VIRMA: variants seen among roughly 807,000 people sequenced by gnomAD.
The protein encoded by VIRMA is vir like m6A methyltransferase associated.
Under a neutral mutation model 182.4 loss-of-function variants are expected in VIRMA, and 65 were observed. The observed-to-expected ratio is 0.36, with a 90% CI of 0.29 to 0.44. The LOEUF (loss-of-function observed/expected upper bound fraction) is 0.44, where lower values mean the gene tolerates loss of function less well. VIRMA is among the 20% of genes least tolerant of loss of function. The pLI, the probability that VIRMA is intolerant of heterozygous loss-of-function variation, is 1.00. For synonymous variants in VIRMA, 709 were observed against 743.1 expected, an observed-to-expected ratio of 0.95 and a Z score of 0.75; for missense variants, 1,752 against 2,158.1, an observed-to-expected ratio of 0.81 and a Z score of 3.73.
rs1205906821 is a variant in VIRMA at position 94,526,535 on chromosome 8, C to T, written c.1709G>A (p.Gly570Asp). 1.9e-6 allele frequency: 3 copies of T among 1,612,822 alleles called. No homozygotes were observed. The highest frequency in any genetic ancestry group is 2.5e-6 in the Non-Finnish European group (3 of 1,179,742). Residue 570 changes from glycine (G) to aspartate (D), a missense_variant, in exon 8 of 24, where the codon GGT becomes GAT. By Grantham distance (94) the Gly-to-Asp change is moderately conservative. Around this residue, in one of 11 missense-constraint regions of VIRMA, gnomAD observed 401 missense variants for 455.1 expected, o/e 0.88. Transcript: ENST00000297591. Reference sequence around the variant, plus strand: ...TGAAGTCTTCTCTGCTAAATGGTCACCAAGTCTTTTAATCTCTGACAAGAC... The same window carrying T: ...TGAAGTCTTCTCTGCTAAATGGTCATCAAGTCTTTTAATCTCTGACAAGAC... ...YEVLSEIKRL[G>D]DHLAEKTSSL...
intron 2 of VIRMA, among the ~76,000 whole-genome samples, chr8:94,543,401 C>CAAAAAAAAAA (rs1162030319): frequency 6.9e-5 from 3 of 43,200 alleles, no homozygotes; most frequent in South Asian, 8.2e-4. Context: ...AACTCCATCT[C>CAAAAAAAAAA]AAAAAAAAAA....
chr8:94,496,049 A>C, intron 18 of VIRMA, 158 bp from the exon 19 acceptor site: 2 of 659,210 alleles, frequency 3.0e-6, no homozygotes, highest in Non-Finnish European at 4.9e-6. Context: ...TAAAACAAAC[A>C]CCAAAACACT....
At chr8:94,510,790 T>A in intron 13 of VIRMA, 138 bp from the exon 14 acceptor site, 2 of 775,460 alleles carry the variant, frequency 2.6e-6, no homozygotes. Flanking sequence ...ATTATACAGT[T>A]AAACATTTGC....
At chr8:94,552,182 C>T (rs3133656) in intron 1 of VIRMA, among the ~76,000 whole-genome samples, 91,858 of 152,084 alleles carry the variant, frequency 0.6, 28,064 homozygotes, top group East Asian at 0.81. Context: ...CATAAATTAA[C>T]TGTCAGTAAG....
At chr8:94,544,063 A>G in intron 1 of VIRMA, 121 bp from the exon 2 acceptor site, 1 of 593,714 alleles carries the variant, frequency 1.7e-6, no homozygotes, top group Non-Finnish European at 3.0e-6. Context: ...ATCATTAAAT[A>G]TCATTAAATA....
chr8:94,541,438 C>T (rs1261848956), intron 2 of VIRMA, among the ~76,000 whole-genome samples: 1 of 152,090 alleles, frequency 6.6e-6, no homozygotes, highest in African/African-American at 2.4e-5. Context: ...TTTATCTAAG[C>T]ATTTCTAAAT....
chr8:94,521,054 TA>T (rs35440479), intron 8 of VIRMA, among the ~76,000 whole-genome samples: 6,627 of 134,832 alleles, frequency 0.049, 148 homozygotes, highest in Non-Finnish European at 0.055. Flanking sequence ...TTTTTTTTTT[TA>T]AATTTTTTAG....
intron 4 of VIRMA, 79 bp downstream of exon 4, chr8:94,537,024 G>A: frequency 1.1e-6 from 1 of 939,600 alleles, no homozygotes; most frequent in Non-Finnish European, 1.8e-6. Context: ...CTGCAACACT[G>A]ATTTATGTGG....
At chr8:94,548,507 C>T (rs1178442331) in intron 1 of VIRMA, among the ~76,000 whole-genome samples, 3 of 151,004 alleles carry the variant, frequency 2.0e-5, no homozygotes, top group Non-Finnish European at 4.4e-5. Flanking sequence ...ATTCACTCAT[C>T]AACAGGAATA....
chr8:94,490,578 G>A (rs1300157277), intron 22 of VIRMA, among the ~76,000 whole-genome samples: 1 of 152,174 alleles, frequency 6.6e-6, no homozygotes, highest in Non-Finnish European at 1.5e-5. Flanking sequence ...AGGTGCAGTG[G>A]CTCACGCCTG....
At position 94,526,576 on chromosome 8, in the gene VIRMA, T is replaced by C. The variant is rs1260436563; in HGVS notation, c.1668A>G (p.Lys556=). Residue 556 remains lysine, a synonymous_variant, in exon 8 of 24, where the codon AAA becomes AAG. Coordinates refer to ENST00000297591, the MANE Select transcript of VIRMA (RefSeq NM_015496.5). ...CTGACAAGACTTCATAGAAATGGCA[T>C]TTTTGGAGAATAGCTGAACCAGCAG... is the stretch of plus-strand genomic sequence containing the variant. ...VVTAGSAILQ[K]CHFYEVLSEI... 1.9e-6 allele frequency: 3 copies of C among 1,613,746 alleles called. No individual in the cohort carries two copies. The African/African-American group carries it at 4.0e-5, about 22-fold the overall frequency.
At chr8:94,541,687 G>A (rs565740285) in intron 2 of VIRMA, among the ~76,000 whole-genome samples, 1 of 152,080 alleles carries the variant, frequency 6.6e-6, no homozygotes, top group African/African-American at 2.4e-5. Context: ...GATTACAGGT[G>A]TGCACCACCA....
intron 1 of VIRMA, among the ~76,000 whole-genome samples, chr8:94,552,802 G>GC (rs1442975142): frequency 1.3e-5 from 2 of 152,064 alleles, no homozygotes; most frequent in Non-Finnish European, 2.9e-5. Context: ...TCCCCTCTTC[G>GC]CAAGTATTCT....
intron 8 of VIRMA, among the ~76,000 whole-genome samples, chr8:94,522,279 CAT>C (rs746645871): frequency 2.0e-5 from 3 of 152,246 alleles, no homozygotes; most frequent in East Asian, 1.9e-4. Flanking sequence ...ACACTTCACA[CAT>C]GTCACAACCT....
At chr8:94,539,068 ATT>A (rs759879190) in intron 2 of VIRMA, among the ~76,000 whole-genome samples, 20 of 137,036 alleles carry the variant, frequency 1.5e-4, no homozygotes, top group Non-Finnish European at 1.1e-4. Flanking sequence ...CACTGGGCTA[ATT>A]TTTTTTTTTT....
At position 94,527,222 on chromosome 8, in the gene VIRMA, T is replaced by C. The variant is rs1470515323; in HGVS notation, c.1022A>G (p.Tyr341Cys). 1.2e-6 allele frequency: 2 copies of C among 1,613,988 alleles called. No individual in the cohort carries two copies. Residue 341 changes from tyrosine (Y) to cysteine (C), a missense_variant, in exon 8 of 24, where the codon TAT becomes TGT. Around this residue, in one of 11 missense-constraint regions of VIRMA, gnomAD observed 401 missense variants for 455.1 expected, o/e 0.88. Coordinates refer to ENST00000297591, the MANE Select transcript of VIRMA (RefSeq NM_015496.5). ...TAAGAGTGGTACAAGCTCCCTGTCATATGGATCATATGTCATAGGAGGAAC... is the reference window on the plus strand; with the variant it reads ...TAAGAGTGGTACAAGCTCCCTGTCACATGGATCATATGTCATAGGAGGAAC... Reference protein sequence around the residue: ...ASVPPMTYDPYDRELVPLLYF... With the variant: ...ASVPPMTYDPCDRELVPLLYF...
At chr8:94,536,755 G>A (rs1328326606) in intron 4 of VIRMA, among the ~76,000 whole-genome samples, 1 of 152,118 alleles carries the variant, frequency 6.6e-6, no homozygotes, top group Non-Finnish European at 1.5e-5. Flanking sequence ...CGAGGCGGTT[G>A]GATCACGAGG....
At chr8:94,492,140 A>T (rs1813622413) in intron 21 of VIRMA, among the ~76,000 whole-genome samples, 1 of 152,026 alleles carries the variant, frequency 6.6e-6, no homozygotes, top group Non-Finnish European at 1.5e-5. Flanking sequence ...TCTTATTCAA[A>T]CCTTCCAAAA....
At chr8:94,501,083 A>G (rs1271114059) in intron 16 of VIRMA, among the ~76,000 whole-genome samples, 2 of 151,842 alleles carry the variant, frequency 1.3e-5, no homozygotes, top group African/African-American at 4.8e-5. Context: ...GTCTCCACTA[A>G]AAAAACAAAA....
Sources: gnomAD v4.1 joint callset for allele counts (sites outside exome capture counted in the v4.1 genomes callset) on GRCh38, gnomAD v4.1.1 for gene constraint, gnomAD v4.1.1 regional missense constraint, MANE v1.5 for transcripts, NCBI Gene and HGNC (gene_info 2026-07-23, HGNC 2026-07-21) for gene names.